The following KCNQ5 variants were observed in gnomAD, a reference collection of about 807,000 sequenced individuals.
The protein encoded by KCNQ5 is potassium voltage-gated channel subfamily KQT member 5.
In KCNQ5, 30 loss-of-function variants were observed where a neutral mutation model predicts 98.2. The observed-to-expected ratio is 0.31, with a 90% CI of 0.23 to 0.41. The LOEUF (loss-of-function observed/expected upper bound fraction) is 0.41. Among genes scored for constraint, KCNQ5 ranks in the 10% least tolerant of loss-of-function variants. The pLI, the probability that KCNQ5 is intolerant of heterozygous loss-of-function variation, is 1.00. For synonymous variants in KCNQ5, 458 were observed against 449.4 expected (o/e 1.02, Z -0.24); for missense variants, 835 against 1,182.5 (o/e 0.71, Z 4.31).
intron 1 of KCNQ5, among the ~76,000 whole-genome samples, chr6:72,884,033 T>C (rs1778756390): frequency 6.6e-6 from 1 of 152,240 alleles, no homozygotes; most frequent in Admixed American, 6.5e-5. Context: ...TAGTCTTCTT[T>C]AGTTTCTCAG....
At chr6:72,635,190 C>A (rs1040545970) in intron 1 of KCNQ5, among the ~76,000 whole-genome samples, 3 of 145,730 alleles carry the variant, frequency 2.1e-5, no homozygotes, top group African/African-American at 7.4e-5. Flanking sequence ...CCATGCCCAG[C>A]TAATTTTTTT....
chr6:73,003,460 C>T (rs1018333936), intron 1 of KCNQ5, among the ~76,000 whole-genome samples: 11 of 152,168 alleles, frequency 7.2e-5, no homozygotes, highest in African/African-American at 2.4e-4. Context: ...GGCTGAGTAA[C>T]AACCAATTAG....
intron 1 of KCNQ5, among the ~76,000 whole-genome samples, chr6:72,879,386 TC>T (rs1381046890): frequency 3.0e-4 from 45 of 152,234 alleles, no homozygotes; most frequent in Admixed American, 2.9e-3. Flanking sequence ...AGATTGAGCA[TC>T]TTTTCATGTT....
At chr6:73,164,998 A>G (rs369732302) in intron 10 of KCNQ5, among the ~76,000 whole-genome samples, 81 of 151,538 alleles carry the variant, frequency 5.3e-4, no homozygotes, top group African/African-American at 1.8e-3. Flanking sequence ...TTTTTTTAAG[A>G]GAGTGGGTCT....
chr6:72,793,168 T>A (rs1411661169), intron 1 of KCNQ5, among the ~76,000 whole-genome samples: 2 of 152,242 alleles, frequency 1.3e-5, no homozygotes, highest in African/African-American at 4.8e-5. Flanking sequence ...TCATCTGAAC[T>A]TAAGCTTATC....
At chr6:73,055,048 A>C (rs907089518) in intron 3 of KCNQ5, 1 of 598,304 alleles carries the variant, frequency 1.7e-6, no homozygotes, top group Non-Finnish European at 3.1e-6. Context: ...CACCAACAAC[A>C]TCCAAGCTGA....
At chr6:72,966,514 G>A (rs1767621482) in intron 1 of KCNQ5, among the ~76,000 whole-genome samples, 1 of 151,962 alleles carries the variant, frequency 6.6e-6, no homozygotes, top group East Asian at 1.9e-4. Flanking sequence ...GTTGCAGTGA[G>A]GCAAGATCAC....
intron 7 of KCNQ5, among the ~76,000 whole-genome samples, chr6:73,112,394 G>A: frequency 6.6e-6 from 1 of 150,576 alleles, no homozygotes; most frequent in Non-Finnish European, 1.5e-5. Flanking sequence ...CGCCCAGGCT[G>A]GAGTGCAGTG....
At chr6:72,836,217 C>T (rs1437207132) in intron 1 of KCNQ5, among the ~76,000 whole-genome samples, 2 of 151,984 alleles carry the variant, frequency 1.3e-5, no homozygotes, top group Non-Finnish European at 1.5e-5. Context: ...GAATGATGAG[C>T]TTCATTAGAT....
In KCNQ5 at chr6:73,169,813, A is replaced by C; in HGVS notation, c.1536A>C (p.Glu512Asp). The change falls in exon 11 of 14, where the codon GAA (glutamate) becomes GAC (aspartate). Residue 512 changes from glutamate to aspartate, a missense_variant. Glu to Asp is a conservative substitution (Grantham distance 45, BLOSUM62 2). Transcript: ENST00000370398. Reference protein sequence around the residue: ...EKGCQCDVSVEDLTPPLKTVI... With the variant: ...EKGCQCDVSVDDLTPPLKTVI... ...GATGCCAGTGTGATGTATCAGTGGA[A>C]GACCTCACCCCACCACTTAAAACTG... 6.2e-7 allele frequency: 1 copy of C among 1,613,832 alleles called. No individual in the cohort carries two copies. Among genetic ancestry groups the C allele is most frequent in the Non-Finnish European group, 8.5e-7 (1 of 1,179,682 alleles).
At chr6:72,664,920 C>T (rs543944474) in intron 1 of KCNQ5, among the ~76,000 whole-genome samples, 9 of 152,256 alleles carry the variant, frequency 5.9e-5, no homozygotes, top group Non-Finnish European at 1.0e-4. Context: ...ATAAATCTCC[C>T]CTATTGAATT....
intron 3 of KCNQ5, among the ~76,000 whole-genome samples, chr6:73,071,019 C>T (rs1773279246): frequency 6.6e-6 from 1 of 152,070 alleles, no homozygotes; most frequent in Admixed American, 6.6e-5. Context: ...GATAACTTAA[C>T]TTCTGTGACT....
intron 1 of KCNQ5, among the ~76,000 whole-genome samples, chr6:72,636,827 CTT>C (rs2098924409): frequency 6.6e-6 from 1 of 152,154 alleles, no homozygotes; most frequent in Non-Finnish European, 1.5e-5. Flanking sequence ...TCTGAATTGA[CTT>C]AGGATAAAAG....
intron 1 of KCNQ5, among the ~76,000 whole-genome samples, chr6:72,805,551 A>G (rs773477903): frequency 1.4e-4 from 22 of 151,976 alleles, no homozygotes; most frequent in Admixed American, 2.6e-4. Context: ...TGCCATTACC[A>G]TGCTGTTTGG....
intron 1 of KCNQ5, among the ~76,000 whole-genome samples, chr6:72,687,237 T>C (rs1248626753): frequency 6.6e-6 from 1 of 152,240 alleles, no homozygotes; most frequent in Non-Finnish European, 1.5e-5. Context: ...TCCACTGACA[T>C]TGATTGTCTG....
intron 2 of KCNQ5, among the ~76,000 whole-genome samples, chr6:73,011,982 G>A (rs929599883): frequency 1.1e-4 from 17 of 152,200 alleles, no homozygotes; most frequent in Admixed American, 5.9e-4. Context: ...ATGTTGGTGA[G>A]GATGTGGGAA....
chr6:72,867,839 G>C (rs1778049025), intron 1 of KCNQ5, among the ~76,000 whole-genome samples: 1 of 151,930 alleles, frequency 6.6e-6, no homozygotes, highest in Non-Finnish European at 1.5e-5. Flanking sequence ...GAAGGTCGAG[G>C]CAGGAGGATT....
At chr6:72,644,025 A>C (rs968651072) in intron 1 of KCNQ5, among the ~76,000 whole-genome samples, 1 of 152,284 alleles carries the variant, frequency 6.6e-6, no homozygotes, top group East Asian at 1.9e-4. Flanking sequence ...ATGAAAAAAA[A>C]ACACACAAGG....
At chr6:72,926,838 C>T (rs761561498) in intron 1 of KCNQ5, among the ~76,000 whole-genome samples, 1 of 152,116 alleles carries the variant, frequency 6.6e-6, no homozygotes, top group Non-Finnish European at 1.5e-5. Context: ...GATGGACCTA[C>T]TGTTGAAAAT....
Sources: gnomAD v4.1 joint callset for allele counts (sites outside exome capture counted in the v4.1 genomes callset) on GRCh38, gnomAD v4.1.1 for gene constraint, MANE v1.5 for transcripts, NCBI Gene and HGNC (gene_info 2026-07-23, HGNC 2026-07-21) for gene names.